RNF130: variants seen among roughly 807,000 people sequenced by gnomAD.
RNF130 encodes the protein E3 ubiquitin-protein ligase RNF130.
RNF130 carries 21 observed loss-of-function variants against 44.6 expected under a neutral mutation model. That is an observed-to-expected ratio of 0.47 (90% CI 0.33 to 0.68). The LOEUF is 0.68. RNF130 is among the 30% of genes least tolerant of loss of function. The pLI, the probability that RNF130 is intolerant of heterozygous loss-of-function variation, is 0.02. For missense variants in RNF130, 479 were observed against 560.6 expected (o/e 0.85, Z 1.47); for synonymous variants, 214 against 210.4 (o/e 1.02, Z -0.15).
chr5:179,994,726 C>T (rs1012933110), intron 3 of RNF130, among the ~76,000 whole-genome samples: 14 of 152,168 alleles, frequency 9.2e-5, no homozygotes, highest in African/African-American at 3.4e-4. Flanking sequence ...TAAAAGAAGT[C>T]ATGAGAAGCT....
chr5:180,012,977 A>G (rs1259509306), intron 3 of RNF130, 84 bp downstream of exon 3: 1 of 1,460,034 alleles, frequency 6.8e-7, no homozygotes, highest in African/African-American at 1.4e-5. Context: ...AAAAGAAAAA[A>G]CATGTTAGTA....
At chr5:180,016,113 C>CG (rs1763722262) in intron 2 of RNF130, among the ~76,000 whole-genome samples, 1 of 151,554 alleles carries the variant, frequency 6.6e-6, no homozygotes, top group Non-Finnish European at 1.5e-5. Flanking sequence ...CCCTGCCGAT[C>CG]GGGCAGGAGG....
chr5:180,048,109 A>G (rs1764610634), intron 1 of RNF130, among the ~76,000 whole-genome samples: 1 of 152,130 alleles, frequency 6.6e-6, no homozygotes, highest in Non-Finnish European at 1.5e-5. Flanking sequence ...AGTTTCTAAT[A>G]GACACAGCTA....
Position 180,060,137 on chromosome 5 carries a change from G to C in RNF130, c.247+11319C>G, listed in dbSNP as rs557934106. ...AAGGCAAGGAAATGATTCCCCCTGA[G>C]AGCTCCAAAGCCACGCAGTCTTGCC... On this transcript the variant is annotated intron_variant, in intron 1 of 8. Transcript: ENST00000521389. Among the ~76,000 whole-genome samples the C allele has an allele frequency of 1.4e-3, 207 of 152,304 alleles. 1 individual carries two copies. The highest frequency in any genetic ancestry group is 4.8e-3 in the African/African-American group (201 of 41,570).
At chr5:179,970,691 C>A (rs1405235671) in intron 5 of RNF130, among the ~76,000 whole-genome samples, 185 bp from the exon 6 acceptor site, 2 of 152,274 alleles carry the variant, frequency 1.3e-5, no homozygotes, top group African/African-American at 4.8e-5. Flanking sequence ...TGAGCCCAAC[C>A]TCATATGTAC....
intron 1 of RNF130, among the ~76,000 whole-genome samples, chr5:180,066,454 A>G (rs1210647792): frequency 1.3e-5 from 2 of 152,170 alleles, no homozygotes; most frequent in East Asian, 1.9e-4. Context: ...TACCTTCCCA[A>G]TATGACTAAT....
intron 5 of RNF130, among the ~76,000 whole-genome samples, chr5:179,975,665 G>T (rs919412043): frequency 2.0e-5 from 3 of 152,140 alleles, no homozygotes; most frequent in Non-Finnish European, 4.4e-5. Context: ...CAGTTCCACA[G>T]CAACAGGGAA....
chr5:180,021,378 G>A (rs1763870536), intron 2 of RNF130, among the ~76,000 whole-genome samples: 1 of 151,966 alleles, frequency 6.6e-6, no homozygotes, highest in South Asian at 2.1e-4. Context: ...ATTTATTGAT[G>A]TATAAAATAC....
At chr5:180,069,417 C>A (rs1464730551) in intron 1 of RNF130, among the ~76,000 whole-genome samples, 1 of 152,074 alleles carries the variant, frequency 6.6e-6, no homozygotes, top group Non-Finnish European at 1.5e-5. Flanking sequence ...CCCTCACCCC[C>A]ACCCCGAGAA....
At chr5:179,922,959 A>C (rs1239630639) in intron 7 of RNF130, among the ~76,000 whole-genome samples, 1 of 152,158 alleles carries the variant, frequency 6.6e-6, no homozygotes, top group Non-Finnish European at 1.5e-5. Flanking sequence ...AAGTCTTGCC[A>C]GACATACATT....
exon 8 of RNF130, chr5:179,920,352 G>A: frequency 1.4e-6 from 1 of 702,452 alleles, no homozygotes; most frequent in Non-Finnish European, 2.6e-6. Flanking sequence ...TCCAAAGAAG[G>A]TTCGATGGTG....
At chr5:180,022,900 T>C (rs1172106893) in intron 2 of RNF130, among the ~76,000 whole-genome samples, 1 of 152,210 alleles carries the variant, frequency 6.6e-6, no homozygotes, top group Non-Finnish European at 1.5e-5. Flanking sequence ...AAACATTAAG[T>C]AGAGAGTTCG....
intron 3 of RNF130, among the ~76,000 whole-genome samples, chr5:180,009,337 T>C (rs543182215): frequency 6.6e-6 from 1 of 152,330 alleles, no homozygotes; most frequent in African/African-American, 2.4e-5. Context: ...AGATAATCTC[T>C]GCAAGCCACA....
At chr5:179,993,044 G>C (rs1240274003) in intron 3 of RNF130, among the ~76,000 whole-genome samples, 1 of 152,166 alleles carries the variant, frequency 6.6e-6, no homozygotes, top group Non-Finnish European at 1.5e-5. Flanking sequence ...TCCCTAAAAA[G>C]GACATGAACA....
At chr5:180,023,642 G>A (rs892353835) in intron 2 of RNF130, among the ~76,000 whole-genome samples, 1 of 152,188 alleles carries the variant, frequency 6.6e-6, no homozygotes, top group African/African-American at 2.4e-5. Flanking sequence ...AGGATAATTT[G>A]AGTAACAGAG....
intron 8 of RNF130, among the ~76,000 whole-genome samples, chr5:179,958,063 G>C (rs1379077071): frequency 6.6e-6 from 1 of 151,934 alleles, no homozygotes. Context: ...ATTTTTAGTA[G>C]AGACGGGGTT....
intron 3 of RNF130, among the ~76,000 whole-genome samples, chr5:179,996,500 A>T (rs547980663): frequency 8.5e-5 from 13 of 152,246 alleles, no homozygotes; most frequent in African/African-American, 3.1e-4. Context: ...TTCTTTCTAT[A>T]CCTAACTTGT....
At chr5:179,920,779 TTA>T (rs5873672) in intron 7 of RNF130, among the ~76,000 whole-genome samples, 33 of 137,974 alleles carry the variant, frequency 2.4e-4, no homozygotes, top group African/African-American at 9.6e-4. Flanking sequence ...GCATATATAT[TTA>T]TATATATATA....
intron 7 of RNF130, among the ~76,000 whole-genome samples, chr5:179,933,306 C>T (rs145846423): frequency 4.0e-5 from 6 of 151,750 alleles, no homozygotes; most frequent in African/African-American, 1.5e-4. Flanking sequence ...TTTAGGTGTC[C>T]TATTTCTTCC....
Sources: allele counts gnomAD v4.1 joint callset (sites outside exome capture counted in the v4.1 genomes callset), GRCh38; gene constraint gnomAD v4.1.1; transcripts MANE v1.5; gene names NCBI Gene and HGNC (gene_info 2026-07-23, HGNC 2026-07-21).